KCNQ1: variants seen among roughly 807,000 people sequenced by gnomAD.
The protein encoded by KCNQ1 is potassium voltage-gated channel subfamily Q member 1.
Under a neutral mutation model 72.4 loss-of-function variants are expected in KCNQ1, and 49 were observed. The ratio of observed to expected loss-of-function variants is 0.68; its 90% CI spans 0.54 to 0.86. KCNQ1 has a LOEUF of 0.86. KCNQ1 is among the 40% of genes least tolerant of loss of function. The probability of loss-of-function intolerance (pLI) is 0.00; values close to 1 mark genes in which losing one functional copy is unlikely to be tolerated. For synonymous variants in KCNQ1, 450 were observed against 412.6 expected, an observed-to-expected ratio of 1.09 and a Z score of -1.10; for missense variants, 790 against 945.1, an observed-to-expected ratio of 0.84 and a Z score of 2.15.
At chr11:2,510,522 AC>A (rs2050741460) in intron 1 of KCNQ1, among the ~76,000 whole-genome samples, 1 of 152,090 alleles carries the variant, frequency 6.6e-6, no homozygotes, top group South Asian at 2.1e-4. Context: ...TGGGAGGATC[AC>A]TTGAGCCCAG....
In KCNQ1 at chr11:2,688,988, G is replaced by A. The variant is rs1252852257; in HGVS notation, c.1514+26907G>A. Reference sequence around the variant, plus strand: ...GAGTAGGGGTCTGATCTGGAGAGCAGGGGAGCCTGCAGGTCCCTGGGTTGG... The same window carrying A: ...GAGTAGGGGTCTGATCTGGAGAGCAAGGGAGCCTGCAGGTCCCTGGGTTGG... On this transcript the variant is annotated intron_variant, in intron 11 of 15. Transcript: ENST00000155840. The A allele has an allele frequency of 2.3e-5, 9 of 398,790 alleles. No homozygotes were observed. The East Asian group carries it at 3.2e-4, about 14-fold the overall frequency. 24.7% of individuals were successfully genotyped at this position (398,790 alleles called of 1,614,324 possible).
In KCNQ1 at chr11:2,583,561, G is replaced by C. The variant is rs759668633; in HGVS notation, c.1032+16G>C. ...GCTCCCAGCGGTAGGTGCCCCGTGG[G>C]TGCGTTTTCCCTGGCTCCTTGGACA... On this transcript the variant is annotated intron_variant, in intron 7 of 15. Transcript: ENST00000155840. The C allele has an allele frequency of 6.3e-7, 1 of 1,581,974 alleles. No homozygotes were observed. The highest frequency in any genetic ancestry group is 1.7e-5 in the Admixed American group (1 of 60,000).
In KCNQ1 at chr11:2,451,845, C is replaced by T. The variant is rs950192096; in HGVS notation, c.386+6361C>T. Among the ~76,000 whole-genome samples the T allele has an allele frequency of 6.6e-6, 1 of 152,198 alleles. No individual in the cohort carries two copies. The highest frequency in any genetic ancestry group is 1.5e-5 in the Non-Finnish European group (1 of 68,044). On this transcript the variant is annotated intron_variant, in intron 1 of 15. Coordinates refer to ENST00000155840, the MANE Select transcript of KCNQ1 (RefSeq NM_000218.3). This position sits in a 1 kb window ranked among gnomAD's most constrained non-coding sequence, Gnocchi z 6.4. ...CCTGGCCACTTTGCTCATGCCACAC[C>T]CAGAAAGCCCTCAGGACACCCAGAA...
At position 2,451,540 on chromosome 11, in the gene KCNQ1, G is replaced by T. The variant is rs964638305; in HGVS notation, c.386+6056G>T. ...TGAGCACTGGAAGGACCTGGCTGTG[G>T]TCCCAGGCACTGGGTGGATGGACCA... On this transcript the variant is annotated intron_variant, in intron 1 of 15. Transcript: ENST00000155840. The surrounding 1 kb of genome is among the most constrained non-coding windows in gnomAD (Gnocchi z 6.4). Among the ~76,000 whole-genome samples, 2 of 152,232 alleles carry T rather than the reference G, an allele frequency of 1.3e-5. No homozygotes were observed. The highest frequency in any genetic ancestry group is 2.9e-5 in the Non-Finnish European group (2 of 68,036).
rs371827932 is a variant in KCNQ1 at position 2,586,142 on chromosome 11, G to A, written c.1128+835G>A. ...ACTGGGGATAGGGCCTCCGCCCAGT[G>A]CAGTGGCTGGGAGCACAGTGTCAGT... On this transcript the variant is annotated intron_variant, in intron 8 of 15. Transcript: ENST00000155840. 3.9e-5 allele frequency among the ~76,000 whole-genome samples: 6 copies of A among 152,324 alleles called. No individual in the cohort carries two copies. The East Asian group carries it at 5.8e-4, about 15-fold the overall frequency.
At position 2,818,603 on chromosome 11, in the gene KCNQ1, GC is replaced by G. The variant is rs2134051092; in HGVS notation, c.1795-29159del. 6.6e-6 allele frequency among the ~76,000 whole-genome samples: 1 copy of G among 152,280 alleles called. No individual in the cohort carries two copies. The highest frequency in any genetic ancestry group is 2.1e-4 in the South Asian group (1 of 4,830). On this transcript the variant is annotated intron_variant, in intron 15 of 15. Coordinates refer to ENST00000155840, the MANE Select transcript of KCNQ1 (RefSeq NM_000218.3). The surrounding 1 kb of genome is among the most constrained non-coding windows in gnomAD (Gnocchi z 7.2). ...CACGCACACAGCTTGGAGGCTGGAA[GC>G]CCCCGGAATGCGGCCCACCCTGTCT...
chr11:2,694,303 T>C (rs2133895708), intron 11 of KCNQ1: 1 of 398,642 alleles, frequency 2.5e-6, no homozygotes, highest in East Asian at 3.6e-5. Flanking sequence ...CAAGAGCTGT[T>C]CTAAGGAAGT....
At chr11:2,729,670 G>A (rs538734851) in intron 11 of KCNQ1, among the ~76,000 whole-genome samples, 2 of 152,296 alleles carry the variant, frequency 1.3e-5, no homozygotes, top group East Asian at 3.9e-4. Flanking sequence ...GTTAGGTATC[G>A]TAAGTGGTCT....
chr11:2,788,244 C>T (rs1445584029), intron 15 of KCNQ1, among the ~76,000 whole-genome samples: 4 of 152,042 alleles, frequency 2.6e-5, no homozygotes, highest in Non-Finnish European at 4.4e-5. Context: ...TGCCTCGAGT[C>T]CCCAGAGCTC....
rs556178105 is a variant in KCNQ1 at position 2,723,033 on chromosome 11, A to G, written c.1515-45811A>G. Among the ~76,000 whole-genome samples, 478 of 152,324 alleles carry G rather than the reference A, an allele frequency of 3.1e-3. 2 individuals are homozygous for G. The highest frequency in any genetic ancestry group is 0.011 in the African/African-American group (469 of 41,572). On this transcript the variant is annotated intron_variant, in intron 11 of 15. Transcript: ENST00000155840. This position sits in a 1 kb window ranked among gnomAD's most constrained non-coding sequence, Gnocchi z 4.2. ...CCTTGTGGGCCAGCTGCGGCCCAAA[A>G]GCCTCCTGGCCTCCATTCCCGTGCC... is the stretch of plus-strand genomic sequence containing the variant.
chr11:2,615,754 C>A (rs1337727729), intron 10 of KCNQ1: 2 of 397,768 alleles, frequency 5.0e-6, no homozygotes, highest in Non-Finnish European at 8.9e-6. Context: ...GATATATAAT[C>A]CTTTTTAATA....
intron 10 of KCNQ1, chr11:2,618,104 G>C (rs948046461): frequency 2.5e-6 from 1 of 398,370 alleles, no homozygotes; most frequent in Non-Finnish European, 4.4e-6. Flanking sequence ...ATCACTGCCA[G>C]AGCCATGTCG....
chr11:2,693,974 G>C, intron 11 of KCNQ1: 1 of 398,720 alleles, frequency 2.5e-6, no homozygotes, highest in Non-Finnish European at 4.4e-6. Flanking sequence ...ACTGGAGAAG[G>C]TGAGCAGGCC....
Position 2,462,309 on chromosome 11 carries a change from A to G in KCNQ1, c.386+16825A>G, listed in dbSNP as rs553694831. Among the ~76,000 whole-genome samples the G allele has an allele frequency of 7.9e-4, 121 of 152,250 alleles. No individual in the cohort carries two copies. The highest frequency in any genetic ancestry group is 2.6e-3 in the African/African-American group (107 of 41,540). ...TGGACGAGGGCAGCGTCGCCATCAG[A>G]GGCGATGTCTAGGGCCACCCCCTCT... On this transcript the variant is annotated intron_variant, in intron 1 of 15. Coordinates refer to ENST00000155840, the MANE Select transcript of KCNQ1 (RefSeq NM_000218.3). The surrounding 1 kb of genome is among the most constrained non-coding windows in gnomAD (Gnocchi z 8.2).
At position 2,452,063 on chromosome 11, in the gene KCNQ1, C is replaced by T. The variant is rs112307950; in HGVS notation, c.386+6579C>T. Among the ~76,000 whole-genome samples, 68 of 152,330 alleles carry T rather than the reference C, an allele frequency of 4.5e-4. 1 individual carries two copies. The highest frequency in any genetic ancestry group is 1.6e-3 in the African/African-American group (66 of 41,580). Reference sequence around the variant, plus strand: ...GCCTTGGTCTGTGCCTGCGTCCTGGCAGCGGGTGAGCTACGGCTGCCCTCA... The same window carrying T: ...GCCTTGGTCTGTGCCTGCGTCCTGGTAGCGGGTGAGCTACGGCTGCCCTCA... On this transcript the variant is annotated intron_variant, in intron 1 of 15. Transcript: ENST00000155840.
intron 1 of KCNQ1, among the ~76,000 whole-genome samples, chr11:2,506,297 A>G (rs1044319591): frequency 3.9e-5 from 6 of 152,204 alleles, no homozygotes; most frequent in South Asian, 4.1e-4. Context: ...TCATTTGTCG[A>G]AAAGACTATA....
rs1850143914 is a variant in KCNQ1, at chr11:2,669,515, G to C, written c.1514+7434G>C. On this transcript the variant is annotated intron_variant, in intron 11 of 15. Transcript: ENST00000155840. The surrounding 1 kb of genome is among the most constrained non-coding windows in gnomAD (Gnocchi z 5.6). ...TTCATTCCTTGTCAGCTAATGGTTT[G>C]ATGTATGTTCGCTGAATCCAGGGAC... 3 of 398,528 alleles carry C rather than the reference G, an allele frequency of 7.5e-6. No individual in the cohort carries two copies. The highest frequency in any genetic ancestry group is 1.3e-5 in the Non-Finnish European group (3 of 226,084). 24.7% of individuals were successfully genotyped at this position (398,528 alleles called of 1,614,324 possible). A position where few individuals can be genotyped will look rare whatever the true frequency, so the allele number is the denominator to read the frequency against.
chr11:2,800,396 G>C (rs1193943924), intron 15 of KCNQ1, among the ~76,000 whole-genome samples: 3 of 152,186 alleles, frequency 2.0e-5, no homozygotes, highest in Non-Finnish European at 4.4e-5. Flanking sequence ...CCCCTGGGCT[G>C]TCCTTGGAAC....
At chr11:2,528,695 G>A (rs1183849851) in intron 2 of KCNQ1, among the ~76,000 whole-genome samples, 8 of 152,342 alleles carry the variant, frequency 5.3e-5, no homozygotes, top group Admixed American at 4.6e-4. Context: ...GCACCTCTCC[G>A]TGGCCAGGCT....
Sources: allele counts gnomAD v4.1 joint callset (sites outside exome capture counted in the v4.1 genomes callset), GRCh38; gene constraint gnomAD v4.1.1; non-coding constraint Gnocchi (gnomAD v3.1); transcripts MANE v1.5; gene names NCBI Gene and HGNC (gene_info 2026-07-23, HGNC 2026-07-21).